LDLRAD3: variants seen among roughly 807,000 people sequenced by gnomAD.
LDLRAD3 encodes the protein low density lipoprotein receptor class A domain containing 3, also known as low-density lipoprotein receptor class A domain-containing protein 3.
A neutral mutation model predicts 29.4 loss-of-function variants in LDLRAD3; 20 were observed. The ratio of observed to expected loss-of-function variants is 0.68; its 90% CI spans 0.48 to 0.99. The LOEUF (loss-of-function observed/expected upper bound fraction) is 0.99. Ranked by LOEUF, LDLRAD3 falls within the 50% of genes least tolerant of loss-of-function variation. The probability of loss-of-function intolerance (pLI) is 0.00; values close to 1 mark genes in which losing one functional copy is unlikely to be tolerated. For missense variants in LDLRAD3, 420 were observed against 454.3 expected (o/e 0.92, Z 0.69); for synonymous variants, 157 against 192.7 (o/e 0.81, Z 1.53).
chr11:35,981,684 C>T (rs750948423), intron 1 of LDLRAD3, among the ~76,000 whole-genome samples: 1 of 152,098 alleles, frequency 6.6e-6, no homozygotes, highest in Non-Finnish European at 1.5e-5. Context: ...CTGCAGTTTG[C>T]CAAAGTCGCA....
At chr11:36,014,154 C>G (rs1851991375) in intron 1 of LDLRAD3, among the ~76,000 whole-genome samples, 1 of 152,222 alleles carries the variant, frequency 6.6e-6, no homozygotes, top group East Asian at 1.9e-4. Context: ...TTTGAGCAGA[C>G]CTTTGCGTGT....
intron 4 of LDLRAD3, among the ~76,000 whole-genome samples, chr11:36,200,508 G>T (rs1008401121): frequency 1.3e-5 from 2 of 152,114 alleles, no homozygotes; most frequent in African/African-American, 4.8e-5. Flanking sequence ...ATAACAATCC[G>T]TTTTCAGGAC....
intron 4 of LDLRAD3, among the ~76,000 whole-genome samples, chr11:36,146,625 A>G (rs886919942): frequency 2.0e-5 from 3 of 152,018 alleles, no homozygotes; most frequent in African/African-American, 4.8e-5. Context: ...TTCACTGCAT[A>G]CCTTTCTCCT....
chr11:36,058,785 G>A (rs571370508), intron 2 of LDLRAD3, among the ~76,000 whole-genome samples: 41 of 152,306 alleles, frequency 2.7e-4, no homozygotes, highest in African/African-American at 9.9e-4. Flanking sequence ...GTTGCAGCTG[G>A]TGTATATGGA....
At chr11:36,167,222 T>C (rs574795939) in intron 4 of LDLRAD3, among the ~76,000 whole-genome samples, 11 of 152,282 alleles carry the variant, frequency 7.2e-5, no homozygotes, top group African/African-American at 2.6e-4. Flanking sequence ...GCAGAATTCC[T>C]TCTTTTCCCG....
intron 4 of LDLRAD3, among the ~76,000 whole-genome samples, chr11:36,106,721 T>A (rs1389706091): frequency 6.6e-6 from 1 of 152,184 alleles, no homozygotes; most frequent in Non-Finnish European, 1.5e-5. Flanking sequence ...GAGTTTGGTG[T>A]CCCTTCACAC....
At chr11:36,194,376 C>G (rs1442744375) in intron 4 of LDLRAD3, among the ~76,000 whole-genome samples, 1 of 152,186 alleles carries the variant, frequency 6.6e-6, no homozygotes, top group African/African-American at 2.4e-5. Context: ...CTAGCCAGAT[C>G]AGAACTTCTA....
intron 4 of LDLRAD3, 71 bp from the exon 5 acceptor site, chr11:36,227,014 T>C: frequency 1.7e-6 from 2 of 1,210,732 alleles, no homozygotes; most frequent in Non-Finnish European, 2.3e-6. Context: ...GTTCTGGGGC[T>C]GATGTTGAAA....
chr11:36,222,366 T>G (rs1175649899), intron 4 of LDLRAD3, among the ~76,000 whole-genome samples: 1 of 152,180 alleles, frequency 6.6e-6, no homozygotes, highest in African/African-American at 2.4e-5. Context: ...TTTACAGATA[T>G]GAGTCACCAT....
chr11:36,050,290 A>G (rs1852509272), intron 2 of LDLRAD3, among the ~76,000 whole-genome samples: 1 of 152,194 alleles, frequency 6.6e-6, no homozygotes, highest in African/African-American at 2.4e-5. Context: ...GAGCCTGTGC[A>G]AGCCCATCAC....
intron 2 of LDLRAD3, among the ~76,000 whole-genome samples, chr11:36,079,884 C>T (rs1009455690): frequency 6.6e-6 from 1 of 152,114 alleles, no homozygotes; most frequent in Non-Finnish European, 1.5e-5. Context: ...CTGAAGTCCA[C>T]CAAAATTTAG....
chr11:36,058,797 A>G (rs1013359672), intron 2 of LDLRAD3, among the ~76,000 whole-genome samples: 10 of 152,226 alleles, frequency 6.6e-5, no homozygotes, highest in Admixed American at 1.3e-4. Flanking sequence ...GTATATGGAT[A>G]GAGGCTAGGA....
chr11:36,128,136 G>GATATATATATATATATATATATATA (rs1853868434), intron 4 of LDLRAD3, among the ~76,000 whole-genome samples: 2 of 93,880 alleles, frequency 2.1e-5, no homozygotes, highest in African/African-American at 4.2e-5. Flanking sequence ...ATATATATAT[G>GATATATATATATATATATATATATA]TATATGACAT....
chr11:36,082,642 A>G (rs1038398159), intron 3 of LDLRAD3, among the ~76,000 whole-genome samples: 1 of 152,136 alleles, frequency 6.6e-6, no homozygotes, highest in Non-Finnish European at 1.5e-5. Flanking sequence ...CTGCTGTATA[A>G]TATTCCCCTG....
intron 4 of LDLRAD3, among the ~76,000 whole-genome samples, chr11:36,145,791 C>T (rs1379414269): frequency 6.6e-6 from 1 of 150,640 alleles, no homozygotes; most frequent in Non-Finnish European, 1.5e-5. Flanking sequence ...CTTTGTTAAA[C>T]AGATGCTTGA....
At chr11:36,071,155 G>A (rs149394246) in intron 2 of LDLRAD3, among the ~76,000 whole-genome samples, 123 of 152,242 alleles carry the variant, frequency 8.1e-4, no homozygotes, top group Non-Finnish European at 1.5e-3. Context: ...ATAATAGAGC[G>A]CAGCAGCAGT....
intron 2 of LDLRAD3, among the ~76,000 whole-genome samples, chr11:36,038,664 G>A (rs1422775040): frequency 6.6e-6 from 1 of 152,202 alleles, no homozygotes; most frequent in African/African-American, 2.4e-5. Flanking sequence ...GTTGCCGGCA[G>A]CTGCCTGGAG....
chr11:36,191,633 C>T (rs1198504259), intron 4 of LDLRAD3, among the ~76,000 whole-genome samples: 1 of 139,222 alleles, frequency 7.2e-6, no homozygotes, highest in Admixed American at 7.1e-5. Context: ...CGCACGCACG[C>T]ACGCACAAAG....
intron 4 of LDLRAD3, among the ~76,000 whole-genome samples, chr11:36,203,720 T>A (rs35064146): frequency 0.039 from 6,002 of 152,150 alleles, 386 homozygotes; most frequent in African/African-American, 0.13. Context: ...CTGTAATGAT[T>A]ACGGGGTCTT....
Sources: gnomAD v4.1 joint callset for allele counts (sites outside exome capture counted in the v4.1 genomes callset) on GRCh38, gnomAD v4.1.1 for gene constraint, MANE v1.5 for transcripts, NCBI Gene and HGNC (gene_info 2026-07-23, HGNC 2026-07-21) for gene names.